EIF4A2: variants seen among roughly 807,000 people sequenced by gnomAD.
The protein encoded by EIF4A2 is eukaryotic initiation factor 4A-II.
A neutral mutation model predicts 50.6 loss-of-function variants in EIF4A2; 9 were observed. The ratio of observed to expected loss-of-function variants is 0.18; its 90% confidence interval spans 0.11 to 0.31. The LOEUF is 0.31. EIF4A2 is among the 10% of genes least tolerant of loss of function. EIF4A2 has a pLI of 1.00. For synonymous variants in EIF4A2, 215 were observed against 164.4 expected (o/e 1.31, Z -2.35); for missense variants, 182 against 501.8 (o/e 0.36, Z 6.09).
At chr3:186,783,879 C>A (rs778123749) in intron 1 of EIF4A2, 11 of 588,624 alleles carry the variant, frequency 1.9e-5, no homozygotes, top group South Asian at 6.7e-5. Context: ...TACGAAACTT[C>A]GGCTGCTTTC....
intron 4 of EIF4A2, chr3:186,785,542 T>C (rs910620185): frequency 3.9e-5 from 12 of 310,386 alleles, no homozygotes; most frequent in Non-Finnish European, 6.6e-5. Flanking sequence ...CACAATACCC[T>C]CTGGGGGAAA....
intron 8 of EIF4A2, 107 bp from the exon 9 acceptor site, chr3:186,787,388 C>T (rs1306307586): frequency 6.2e-7 from 1 of 1,606,712 alleles, no homozygotes; most frequent in Admixed American, 1.7e-5. Flanking sequence ...CTATACCTGT[C>T]TGCTATTCTC....
At chr3:186,784,319 T>C (rs1041823092) in intron 1 of EIF4A2, 113 bp from the exon 2 acceptor site, 1 of 1,490,218 alleles carries the variant, frequency 6.7e-7, no homozygotes, top group Non-Finnish European at 9.3e-7. Context: ...GCTGCTGCTT[T>C]AGCTTGTGCA....
intron 6 of EIF4A2, 76 bp downstream of exon 6, chr3:186,786,349 ATGTGTTTTGT>A: frequency 1.3e-6 from 2 of 1,524,858 alleles, no homozygotes; most frequent in Admixed American, 3.9e-5. Flanking sequence ...AATACAACTG[ATGTGTTTTGT>A]TGTCGTTCCC....
At position 186,789,185 on chromosome 3, in the gene EIF4A2, A is replaced by C. The variant is rs1721981680; in HGVS notation, c.1140A>C (p.Glu380Asp). ...KGVAINFVTE[E>D]DKRILRDIET... ...TGGCTATAAACTTTGTTACTGAAGAAGACAAGAGGATTCTTCGTGACATTG... is the reference window on the plus strand; with the variant it reads ...TGGCTATAAACTTTGTTACTGAAGACGACAAGAGGATTCTTCGTGACATTG... The change falls in exon 11 of 11, where the codon GAA becomes GAC. Residue 380 changes from glutamate (E) to aspartate (D), a missense_variant. Coordinates refer to ENST00000323963, the MANE Select transcript of EIF4A2 (RefSeq NM_001967.4). 1.4e-5 allele frequency: 22 copies of C among 1,613,828 alleles called. No homozygotes were observed. Among genetic ancestry groups the C allele is most frequent in the Non-Finnish European group, 1.8e-5 (21 of 1,179,812 alleles).
intron 3 of EIF4A2, 109 bp downstream of exon 3, chr3:186,784,805 G>C: frequency 6.2e-7 from 1 of 1,600,848 alleles, no homozygotes; most frequent in Non-Finnish European, 8.5e-7. Flanking sequence ...AAAGTGAAAT[G>C]ATGGCAATCA....
rs961691628 is a variant in EIF4A2 at position 186,784,364 on chromosome 3, G to A, written c.30-68G>A. On this transcript the variant is annotated intron_variant, in intron 1 of 10. Coordinates refer to ENST00000323963, the MANE Select transcript of EIF4A2 (RefSeq NM_001967.4). Reference sequence around the variant, plus strand: ...AACGTGCTGAGACGGGTTGCAAAGGGCTATGCGCTTAAGGTGCAGTTGAGG... The same window carrying A: ...AACGTGCTGAGACGGGTTGCAAAGGACTATGCGCTTAAGGTGCAGTTGAGG... The A allele has an allele frequency of 2.5e-6, 4 of 1,611,800 alleles. No homozygotes were observed. The African/African-American group carries it at 5.3e-5, about 22-fold the overall frequency.
At chr3:186,783,953 A>T in intron 1 of EIF4A2, 2 of 467,496 alleles carry the variant, frequency 4.3e-6, no homozygotes, top group Non-Finnish European at 7.7e-6. Context: ...AGTTCGGTAC[A>T]CTGTAACCAG....
chr3:186,784,511 A>G, intron 2 of EIF4A2, 34 bp downstream of exon 2: 1 of 1,614,188 alleles, frequency 6.2e-7, no homozygotes, highest in East Asian at 2.2e-5. Context: ...AAGCTTTGGA[A>G]AGGTGAGTGT....
intron 1 of EIF4A2, chr3:186,784,133 C>T (rs1721544344): frequency 1.9e-6 from 1 of 516,164 alleles, no homozygotes; most frequent in South Asian, 2.2e-5. Context: ...GCTCCGCCCG[C>T]GTCAATCACC....
intron 1 of EIF4A2, 86 bp downstream of exon 1, chr3:186,783,725 C>G: frequency 6.2e-7 from 1 of 1,602,026 alleles, no homozygotes; most frequent in South Asian, 1.1e-5. Context: ...GAGGCAAAAA[C>G]TCTAAATTAA....
Position 186,784,972 on chromosome 3 carries a change from G to T in EIF4A2, c.219G>T (p.Val73=). The T allele has an allele frequency of 6.2e-7, 1 of 1,614,204 alleles. No individual in the cohort carries two copies. The highest frequency in any genetic ancestry group is 8.5e-7 in the Non-Finnish European group (1 of 1,180,040). Residue 73 remains valine (V), a synonymous_variant, in exon 4 of 11, where the codon GTG becomes GTT. Coordinates refer to ENST00000323963, the MANE Select transcript of EIF4A2 (RefSeq NM_001967.4). ...AIIPCIKGYD[V]IAQAQSGTGK... ...TCCTACTTTTTTTAGGGTATGATGTGATTGCTCAAGCTCAGTCAGGTACTG... is the reference window on the plus strand; with the variant it reads ...TCCTACTTTTTTTAGGGTATGATGTTATTGCTCAAGCTCAGTCAGGTACTG...
At chr3:186,783,929 C>T (rs747443045) in intron 1 of EIF4A2, 11 of 449,880 alleles carry the variant, frequency 2.4e-5, no homozygotes, top group Middle Eastern at 6.0e-4. Context: ...AGTAAAAAGC[C>T]GTGGCGCAGT....
At chr3:186,785,756 G>T in intron 4 of EIF4A2, 127 bp from the exon 5 acceptor site, 1 of 1,200,080 alleles carries the variant, frequency 8.3e-7, no homozygotes, top group Non-Finnish European at 1.1e-6. Context: ...TTTTAAGCTT[G>T]GAAGTAGTTT....
chr3:186,783,757 G>A (rs1579153639), intron 1 of EIF4A2, 118 bp downstream of exon 1: 1 of 1,497,304 alleles, frequency 6.7e-7, no homozygotes, highest in South Asian at 1.1e-5. Context: ...TTAGGGTACA[G>A]CACTCCTGTG....
At chr3:186,788,074 A>G in intron 10 of EIF4A2, 192 bp downstream of exon 10, 2 of 735,530 alleles carry the variant, frequency 2.7e-6, no homozygotes, top group South Asian at 1.9e-5. Flanking sequence ...CATTGCCCAG[A>G]TTGTGGACAT....
intron 10 of EIF4A2, chr3:186,788,157 T>C: frequency 1.4e-6 from 1 of 711,072 alleles, no homozygotes; most frequent in South Asian, 1.9e-5. Flanking sequence ...TCCATGTGTT[T>C]TTCTTGGTGA....
Position 186,787,114 on chromosome 3 carries a change from C to A in EIF4A2, c.772-13C>A, listed in dbSNP as rs1188078525. 1 of 1,612,654 alleles carries A rather than the reference C, an allele frequency of 6.2e-7. No individual in the cohort carries two copies. Among genetic ancestry groups the A allele is most frequent in the South Asian group, 1.1e-5 (1 of 91,020 alleles). On this transcript the variant is annotated splice_polypyrimidine_tract_variant and intron_variant, in intron 7 of 10. Coordinates refer to ENST00000323963, the MANE Select transcript of EIF4A2 (RefSeq NM_001967.4). ...ACTAAATGACTGTTAACTTTAACTTCTAAACATTACAGGAATGGAAGTTGG... is the reference window on the plus strand; with the variant it reads ...ACTAAATGACTGTTAACTTTAACTTATAAACATTACAGGAATGGAAGTTGG...
Position 186,788,313 on chromosome 3 carries a change from T to A in EIF4A2, c.1079+431T>A, listed in dbSNP as rs1456557341. On this transcript the variant is annotated intron_variant, in intron 10 of 10. Transcript: ENST00000323963. Reference sequence around the variant, plus strand: ...AAAGACTTTTTAAAAAATACAGGAGTCGATAGCAGCAGTTGGTGACGAGAT... The same window carrying A: ...AAAGACTTTTTAAAAAATACAGGAGACGATAGCAGCAGTTGGTGACGAGAT... The A allele has an allele frequency of 7.7e-6, 10 of 1,290,426 alleles. No individual in the cohort carries two copies. In the East Asian group the frequency reaches 5.5e-4, roughly 71 times the overall value. The allele number at this position is 1,290,426 out of a possible 1,614,324, so 79.9% of individuals were successfully genotyped here.
Sources: gnomAD v4.1 joint callset for allele counts on GRCh38, gnomAD v4.1.1 for gene constraint, MANE v1.5 for transcripts, NCBI Gene and HGNC (gene_info 2026-07-23, HGNC 2026-07-21) for gene names.